The following PISD variants were observed in gnomAD, a reference collection of about 807,000 sequenced individuals.
PISD encodes phosphatidylserine decarboxylase, also known as phosphatidylserine decarboxylase proenzyme, mitochondrial.
A neutral mutation model predicts 43.5 loss-of-function variants in PISD; 31 were observed. That is an observed-to-expected ratio of 0.71 (90% CI 0.54 to 0.96). The LOEUF (loss-of-function observed/expected upper bound fraction) is 0.96, where lower values mean the gene tolerates loss of function less well. Among genes scored for constraint, PISD ranks in the 40% least tolerant of loss-of-function variants. The pLI, the probability that PISD is intolerant of heterozygous loss-of-function variation, is 0.00. For missense variants in PISD, 523 were observed against 548.4 expected (o/e 0.95, Z 0.46); for synonymous variants, 259 against 228.7 (o/e 1.13, Z -1.20).
intron 3 of PISD, chr22:31,625,686 C>T (rs1009421254): frequency 6.7e-5 from 102 of 1,529,718 alleles, no homozygotes; most frequent in African/African-American, 1.4e-5. Flanking sequence ...ACTGCGAGGC[C>T]GCTGGATGTG....
chr22:31,654,679 A>G lies in PISD; in HGVS notation c.66-3901T>C, dbSNP rs540013667. ...TGGCCATGAGACTAAGTGTGAACCAATGAAATCTGAGGATCATTCGGGCTT... is the reference window on the plus strand; with the variant it reads ...TGGCCATGAGACTAAGTGTGAACCAGTGAAATCTGAGGATCATTCGGGCTT... On this transcript the variant is annotated intron_variant, in intron 1 of 7. Coordinates refer to ENST00000439502, the MANE Select transcript of PISD (RefSeq NM_001326411.2). Among the ~76,000 whole-genome samples, 21 of 152,232 alleles carry G rather than the reference A, an allele frequency of 1.4e-4. No individual in the cohort carries two copies. The South Asian group carries it at 3.9e-3, about 29-fold the overall frequency.
intron 3 of PISD, among the ~76,000 whole-genome samples, chr22:31,646,691 A>G (rs1434604760): frequency 6.6e-6 from 1 of 152,172 alleles, no homozygotes; most frequent in African/African-American, 2.4e-5. Flanking sequence ...ATGCAGTCAC[A>G]GTCACGTGCT....
Position 31,620,983 on chromosome 22 carries a change from G to GCC in PISD, c.844+11_844+12dup. ...CACAGAGGCAGCTCCCCCCACGCTG[G>GCC]CCCCGGGCTGACCTGGGAAGTGGCG... is the stretch of plus-strand genomic sequence containing the variant. On this transcript the variant is annotated intron_variant, in intron 6 of 7. Transcript: ENST00000439502. The GCC allele has an allele frequency of 6.2e-7, 1 of 1,607,266 alleles. No individual in the cohort carries two copies. Among genetic ancestry groups the GCC allele is most frequent in the South Asian group, 1.1e-5 (1 of 90,750 alleles).
rs895550003 is a variant in PISD, at chr22:31,621,782, A to G, written c.425T>C (p.Leu142Pro). ...PHWLRRPVYS[L>P]YIWTFGVNMK... is the part of the protein sequence containing the mutation. ...GTTCACCCCAAACGTCCAGATGTAC[A>G]GGCTGTAGACGGGCCTGCGCAGCCA... The change falls in exon 4 of 8, where the codon CTG becomes CCG. Residue 142 changes from leucine to proline, a missense_variant. Coordinates refer to ENST00000439502, the MANE Select transcript of PISD (RefSeq NM_001326411.2). The G allele has an allele frequency of 5.0e-6, 8 of 1,613,952 alleles. No homozygotes were observed. The highest frequency in any genetic ancestry group is 6.8e-6 in the Non-Finnish European group (8 of 1,180,032).
chr22:31,645,308 G>C (rs1412466600), intron 3 of PISD, among the ~76,000 whole-genome samples: 1 of 151,740 alleles, frequency 6.6e-6, no homozygotes, highest in Non-Finnish European at 1.5e-5. Context: ...AGAAGGCTGA[G>C]GTGGGAGGAT....
intron 3 of PISD, among the ~76,000 whole-genome samples, chr22:31,638,132 C>T (rs2073569934): frequency 6.6e-6 from 1 of 152,242 alleles, no homozygotes; most frequent in Admixed American, 6.5e-5. Context: ...TGTGCCTGCC[C>T]TTGGCTGTGG....
intron 2 of PISD, among the ~76,000 whole-genome samples, chr22:31,649,964 T>C (rs1246669235): frequency 6.6e-6 from 1 of 152,064 alleles, no homozygotes; most frequent in Non-Finnish European, 1.5e-5. Context: ...TGGAACAGAT[T>C]CTCCCTCACA....
In PISD at chr22:31,621,716, T is replaced by C; in HGVS notation, c.491A>G (p.Asn164Ser). 6.2e-7 allele frequency: 1 copy of C among 1,614,014 alleles called. No homozygotes were observed. Among genetic ancestry groups the C allele is most frequent in the Non-Finnish European group, 8.5e-7 (1 of 1,180,012 alleles). ...AAVEDLHHYRNLSEFFRRKLK... is the reference protein window; with the variant it reads ...AAVEDLHHYRSLSEFFRRKLK... ...CTTGCGCCGGAAGAACTCGCTGAGGTTGCGGTAGTGATGCAGGTCCTCCAC... is the reference window on the plus strand; with the variant it reads ...CTTGCGCCGGAAGAACTCGCTGAGGCTGCGGTAGTGATGCAGGTCCTCCAC... Residue 164 changes from asparagine to serine, a missense_variant, in exon 4 of 8, where the codon AAC becomes AGC. Coordinates refer to ENST00000439502, the MANE Select transcript of PISD (RefSeq NM_001326411.2).
intron 3 of PISD, chr22:31,638,619 G>A (rs2073589757): frequency 1.0e-6 from 1 of 985,176 alleles, no homozygotes; most frequent in South Asian, 4.7e-5. Flanking sequence ...CCTAGCCTCT[G>A]CCACAAAAAC....
At chr22:31,653,754 G>T (rs868146789) in intron 1 of PISD, among the ~76,000 whole-genome samples, 1 of 152,152 alleles carries the variant, frequency 6.6e-6, no homozygotes, top group African/African-American at 2.4e-5. Flanking sequence ...AGGCCAAGGC[G>T]GGTGGATCAC....
At chr22:31,634,635 CA>C (rs1448521029) in intron 3 of PISD, among the ~76,000 whole-genome samples, 2 of 152,058 alleles carry the variant, frequency 1.3e-5, no homozygotes, top group African/African-American at 4.8e-5. Flanking sequence ...GTGAGAAGTT[CA>C]ACACCAGCCT....
Position 31,662,189 on chromosome 22 carries a change from T to TGCCCCACGGACGTCGCC in PISD, c.3_19dup (p.His7ArgfsTer31). On this transcript the variant is annotated frameshift_variant, in exon 1 of 8. Transcript: ENST00000439502. LOFTEE classifies it high-confidence loss of function. ...CCCGTGCAGTAATCCCAGACATCGG[T>TGCCCCACGGACGTCGCC]GCCCCACGGACGTCGCCATCTTGTC... 6.2e-7 allele frequency: 1 copy of TGCCCCACGGACGTCGCC among 1,605,330 alleles called. No individual in the cohort carries two copies. The highest frequency in any genetic ancestry group is 8.5e-7 in the Non-Finnish European group (1 of 1,179,820).
chr22:31,629,228 G>T, intron 3 of PISD: 1 of 985,330 alleles, frequency 1.0e-6, no homozygotes, highest in Non-Finnish European at 1.2e-6. Context: ...CAAGATTGTT[G>T]TGCGTGAGGG....
intron 3 of PISD, among the ~76,000 whole-genome samples, chr22:31,644,344 A>T (rs1486591175): frequency 6.7e-6 from 1 of 150,266 alleles, no homozygotes; most frequent in Non-Finnish European, 1.5e-5. Context: ...GGTTCACGCC[A>T]TTCTCCTGCC....
intron 3 of PISD, chr22:31,625,849 TC>T (rs1569483138): frequency 1.3e-6 from 2 of 1,580,496 alleles, no homozygotes; most frequent in East Asian, 4.6e-5. Flanking sequence ...CGAGGCTCAC[TC>T]GATCACTCCC....
chr22:31,632,933 T>G (rs1185938445), intron 3 of PISD, among the ~76,000 whole-genome samples: 2 of 152,170 alleles, frequency 1.3e-5, no homozygotes, highest in African/African-American at 4.8e-5. Context: ...TTTCATTCTA[T>G]GTTTTGCTTA....
intron 1 of PISD, among the ~76,000 whole-genome samples, 162 bp downstream of exon 1, chr22:31,661,982 G>A (rs2074332634): frequency 6.6e-6 from 1 of 152,144 alleles, no homozygotes; most frequent in South Asian, 2.1e-4. Context: ...ACCGCCCTAC[G>A]CAGGAGCAGT....
At chr22:31,658,249 A>G (rs1470984488) in intron 1 of PISD, among the ~76,000 whole-genome samples, 2 of 152,156 alleles carry the variant, frequency 1.3e-5, no homozygotes, top group Non-Finnish European at 2.9e-5. Context: ...CCCACAATTG[A>G]GCACTCCAGT....
intron 3 of PISD, among the ~76,000 whole-genome samples, chr22:31,633,754 A>G (rs1178478603): frequency 6.6e-6 from 1 of 152,056 alleles, no homozygotes; most frequent in Non-Finnish European, 1.5e-5. Flanking sequence ...CGAAACCCAT[A>G]AACCAGCCCA....
Sources: gnomAD v4.1 joint callset for allele counts (sites outside exome capture counted in the v4.1 genomes callset) on GRCh38, gnomAD v4.1.1 for gene constraint, MANE v1.5 for transcripts, NCBI Gene and HGNC (gene_info 2026-07-23, HGNC 2026-07-21) for gene names.